The following LUZP2 variants were observed in gnomAD, a reference collection of about 807,000 sequenced individuals.
LUZP2 encodes leucine zipper protein 2.
Under a neutral mutation model 51.6 loss-of-function variants are expected in LUZP2, and 52 were observed. The ratio of observed to expected loss-of-function variants is 1.01; its 90% confidence interval spans 0.81 to 1.27. The LOEUF (loss-of-function observed/expected upper bound fraction) is 1.27, where lower values mean the gene tolerates loss of function less well. Ranked by LOEUF, LUZP2 falls within the 50% of genes most tolerant of loss-of-function variation. The pLI, the probability that LUZP2 is intolerant of heterozygous loss-of-function variation, is 0.00. For missense variants in LUZP2, 436 were observed against 395.4 expected, an observed-to-expected ratio of 1.10 and a Z score of -0.87; for synonymous variants, 154 against 137.3, an observed-to-expected ratio of 1.12 and a Z score of -0.85.
At chr11:24,781,569 A>C (rs1849091764) in intron 5 of LUZP2, among the ~76,000 whole-genome samples, 1 of 89,558 alleles carries the variant, frequency 1.1e-5, no homozygotes, top group East Asian at 3.7e-4. Context: ...GTGTTTCATG[A>C]TTTTTTATAG....
chr11:24,775,969 G>T (rs576990904), intron 5 of LUZP2, among the ~76,000 whole-genome samples: 1 of 152,006 alleles, frequency 6.6e-6, no homozygotes, highest in Admixed American at 6.6e-5. Context: ...ATTGTTATTG[G>T]GTTCTGAGTT....
At chr11:24,505,246 A>G (rs1271012169) in intron 1 of LUZP2, among the ~76,000 whole-genome samples, 2 of 152,144 alleles carry the variant, frequency 1.3e-5, no homozygotes, top group Non-Finnish European at 2.9e-5. Flanking sequence ...GTTACCATCT[A>G]GAATCACTTA....
intron 1 of LUZP2, among the ~76,000 whole-genome samples, chr11:24,688,289 TA>T (rs1856958774): frequency 6.6e-6 from 1 of 152,124 alleles, no homozygotes; most frequent in African/African-American, 2.4e-5. Flanking sequence ...ATCTTACTAA[TA>T]AAAGAAACAA....
At chr11:24,991,338 A>ATGTGTG (rs58547863) in intron 9 of LUZP2, among the ~76,000 whole-genome samples, 2 of 123,298 alleles carry the variant, frequency 1.6e-5, no homozygotes, top group African/African-American at 6.2e-5. Flanking sequence ...CATCATATAT[A>ATGTGTG]TGTGTGTGTG....
At chr11:24,815,129 T>A (rs1055324131) in intron 5 of LUZP2, among the ~76,000 whole-genome samples, 1 of 152,238 alleles carries the variant, frequency 6.6e-6, no homozygotes, top group East Asian at 1.9e-4. Flanking sequence ...AAATGTAGGT[T>A]TTAATTTGAA....
intron 1 of LUZP2, among the ~76,000 whole-genome samples, chr11:24,613,040 A>G (rs1482502963): frequency 2.6e-5 from 4 of 152,130 alleles, no homozygotes; most frequent in Non-Finnish European, 5.9e-5. Context: ...TCTTATGTAG[A>G]ATTTCACAAT....
intron 5 of LUZP2, among the ~76,000 whole-genome samples, chr11:24,790,300 T>C (rs952141264): frequency 1.3e-5 from 2 of 152,116 alleles, no homozygotes; most frequent in African/African-American, 4.8e-5. Context: ...TTTTTTCTGT[T>C]TAAGATCAGT....
At chr11:24,717,409 GTT>G (rs869281553) in intron 1 of LUZP2, among the ~76,000 whole-genome samples, 7 of 134,632 alleles carry the variant, frequency 5.2e-5, no homozygotes, top group African/African-American at 1.1e-4. Context: ...GAACCCAATA[GTT>G]TTTTTTTTTT....
chr11:24,604,488 C>A (rs1286163435), intron 1 of LUZP2, among the ~76,000 whole-genome samples: 2 of 151,670 alleles, frequency 1.3e-5, no homozygotes, highest in African/African-American at 2.4e-5. Flanking sequence ...TCCTAGTATG[C>A]AATTTTTTCT....
chr11:25,003,463 G>T (rs1171074277), intron 9 of LUZP2, among the ~76,000 whole-genome samples: 1 of 152,292 alleles, frequency 6.6e-6, no homozygotes, highest in African/African-American at 2.4e-5. Context: ...ATAGGGGTGG[G>T]TATAACTGGA....
rs1376480259 is a variant in LUZP2, at chr11:24,507,037, A to G, written c.62+9732A>G. 2.6e-5 allele frequency among the ~76,000 whole-genome samples: 4 copies of G among 152,094 alleles called. No individual in the cohort carries two copies. The East Asian group carries it at 5.8e-4, about 22-fold the overall frequency. Reference sequence around the variant, plus strand: ...TTAAAATAAATCAGCTAAAATATTCATTAGTTTGAAAATCAGCCAAATAAA... The same window carrying G: ...TTAAAATAAATCAGCTAAAATATTCGTTAGTTTGAAAATCAGCCAAATAAA... On this transcript the variant is annotated intron_variant, in intron 1 of 11. Coordinates refer to ENST00000336930, the MANE Select transcript of LUZP2 (RefSeq NM_001009909.4).
intron 1 of LUZP2, among the ~76,000 whole-genome samples, chr11:24,577,479 T>C (rs924144213): frequency 6.6e-6 from 1 of 152,130 alleles, no homozygotes; most frequent in African/African-American, 2.4e-5. Context: ...TATTTCATGA[T>C]TAGTTGTATT....
At position 24,930,788 on chromosome 11, in the gene LUZP2, A is replaced by C. The variant is rs142086145; in HGVS notation, c.522+16250A>C. Among the ~76,000 whole-genome samples, 23 of 152,242 alleles carry C rather than the reference A, an allele frequency of 1.5e-4. No individual in the cohort carries two copies. In the East Asian group the frequency reaches 4.3e-3, roughly 28 times the overall value. ...TCTAGATCTCTAGTAAGGTTGGGGA[A>C]ATTTTCCTCAATTATTGCCTTAAAT... On this transcript the variant is annotated intron_variant, in intron 7 of 11. Transcript: ENST00000336930.
At chr11:24,618,422 G>C (rs1345392754) in intron 1 of LUZP2, among the ~76,000 whole-genome samples, 1 of 152,084 alleles carries the variant, frequency 6.6e-6, no homozygotes, top group East Asian at 1.9e-4. Context: ...TGCCTACTGG[G>C]CCTTTGTTGG....
chr11:24,513,756 T>G (rs970005311), intron 1 of LUZP2, among the ~76,000 whole-genome samples: 2 of 152,182 alleles, frequency 1.3e-5, no homozygotes, highest in Non-Finnish European at 2.9e-5. Flanking sequence ...AAACAATCAC[T>G]AAATGCTGGT....
chr11:24,988,168 A>G (rs925021956), intron 9 of LUZP2, among the ~76,000 whole-genome samples: 3 of 152,018 alleles, frequency 2.0e-5, no homozygotes, highest in East Asian at 3.9e-4. Flanking sequence ...CTGTCCATCA[A>G]TCACTAACCA....
chr11:24,835,186 C>A (rs1850826032), intron 5 of LUZP2, among the ~76,000 whole-genome samples: 1 of 152,076 alleles, frequency 6.6e-6, no homozygotes, highest in Non-Finnish European at 1.5e-5. Context: ...TTCCACAAAC[C>A]TGACAAAAAC....
rs143970397 is a variant in LUZP2, at chr11:24,915,512, A to G, written c.522+974A>G. On this transcript the variant is annotated intron_variant, in intron 7 of 11. Transcript: ENST00000336930. ...TCGAGAAGATTCTCCAAACTAGGTT[A>G]TGCATCCATGCAAAGGTAAAACCTT... 9.6e-3 allele frequency among the ~76,000 whole-genome samples: 1,461 copies of G among 152,264 alleles called. 19 individuals are homozygous for G. Among genetic ancestry groups the G allele is most frequent in the South Asian group, 0.044 (212 of 4,834 alleles).
rs1399878175 is a variant in LUZP2, at chr11:24,497,197, GA to G, written c.-46del. The stretch of plus-strand genomic sequence containing the variant: ...CCAAGGAGCGACAGGATCCCGAAGA[GA>G]GAGAGAGAAGGCAGCGAGGGAAGGA... On this transcript the variant is annotated 5_prime_UTR_variant, in exon 1 of 12. Coordinates refer to ENST00000336930, the MANE Select transcript of LUZP2 (RefSeq NM_001009909.4). 6.7e-7 allele frequency: 1 copy of G among 1,493,868 alleles called. No homozygotes were observed. Among genetic ancestry groups the G allele is most frequent in the Admixed American group, 2.0e-5 (1 of 50,646 alleles). The allele number at this position is 1,493,868 out of a possible 1,614,324, so 92.5% of individuals were successfully genotyped here.
Sources: allele counts gnomAD v4.1 joint callset (sites outside exome capture counted in the v4.1 genomes callset), GRCh38; gene constraint gnomAD v4.1.1; transcripts MANE v1.5; gene names NCBI Gene and HGNC (gene_info 2026-07-23, HGNC 2026-07-21).